The following ANGPTL8 variants were observed in gnomAD, a reference collection of about 807,000 sequenced individuals.
ANGPTL8 encodes the protein angiopoietin-like protein 8.
ANGPTL8 carries 24 observed loss-of-function variants against 22.6 expected under a neutral mutation model. The ratio of observed to expected loss-of-function variants is 1.06; its 90% CI spans 0.77 to 1.49. ANGPTL8 has a LOEUF of 1.49. Ranked by LOEUF, ANGPTL8 falls within the 40% of genes most tolerant of loss-of-function variation. The pLI is 0.00. For synonymous variants in ANGPTL8, 88 were observed against 113.4 expected (o/e 0.78, Z 1.42); for missense variants, 230 against 259.6 (o/e 0.89, Z 0.78).
intron 1 of ANGPTL8, 53 bp from the exon 2 acceptor site, chr19:11,240,082 G>A: frequency 1.9e-6 from 3 of 1,550,232 alleles, no homozygotes; most frequent in South Asian, 1.2e-5. Context: ...AAGTCCTTAG[G>A]TACACAAAGA....
At chr19:11,241,136 C>T (rs1270241768) in intron 2 of ANGPTL8, among the ~76,000 whole-genome samples, 2 of 151,838 alleles carry the variant, frequency 1.3e-5, no homozygotes, top group Non-Finnish European at 2.9e-5. Context: ...GTCCCAGCTA[C>T]TCAGGAGGCT....
chr19:11,240,700 C>T (rs1004934989), intron 2 of ANGPTL8, among the ~76,000 whole-genome samples: 2 of 151,788 alleles, frequency 1.3e-5, no homozygotes, highest in African/African-American at 4.8e-5. Flanking sequence ...CTGCCTCAGC[C>T]TCCTGAGTAG....
In ANGPTL8 at chr19:11,240,246, C is replaced by A. The variant is rs866484335; in HGVS notation, c.409C>A (p.Leu137Met). 1 of 1,582,550 alleles carries A rather than the reference C, an allele frequency of 6.3e-7. No individual in the cohort carries two copies. The highest frequency in any genetic ancestry group is 1.8e-5 in the Admixed American group (1 of 55,432). ...CAGCGTGCAGCGGCTAGAAGTCCAGCTGAGGAGCGCCTGGCTGGGCCCTGC... is the reference window on the plus strand; with the variant it reads ...CAGCGTGCAGCGGCTAGAAGTCCAGATGAGGAGCGCCTGGCTGGGCCCTGC... ...RDSVQRLEVQ[L>M]RSAWLGPAYR... Residue 137 changes from leucine to methionine, a missense_variant, in exon 2 of 4, where the codon CTG becomes ATG. Coordinates refer to ENST00000252453, the MANE Select transcript of ANGPTL8 (RefSeq NM_018687.7).
intron 2 of ANGPTL8, 90 bp downstream of exon 2, chr19:11,240,386 T>G: frequency 7.5e-7 from 1 of 1,336,902 alleles, no homozygotes; most frequent in Non-Finnish European, 1.0e-6. Context: ...ACCTCCCAGA[T>G]CAGCCTCCCA....
chr19:11,240,583 T>C (rs1400493389), intron 2 of ANGPTL8, among the ~76,000 whole-genome samples: 1 of 122,946 alleles, frequency 8.1e-6, no homozygotes, highest in Non-Finnish European at 1.7e-5. Flanking sequence ...CAATAAATTC[T>C]TTTTTTTTTT....
At position 11,241,915 on chromosome 19, in the gene ANGPTL8, C is replaced by T; in HGVS notation, c.*228C>T. On this transcript the variant is annotated 3_prime_UTR_variant, in exon 4 of 4. Coordinates refer to ENST00000252453, the MANE Select transcript of ANGPTL8 (RefSeq NM_018687.7). ...ATGTACCCTTTCATGCCTACACACC[C>T]CTCATTAAAGCAGAGTCGTGGCATC... The T allele has an allele frequency of 7.6e-7, 1 of 1,318,516 alleles. No individual in the cohort carries two copies. Among genetic ancestry groups the T allele is most frequent in the Non-Finnish European group, 1.0e-6 (1 of 961,526 alleles). The allele number at this position is 1,318,516 out of a possible 1,614,324, so 81.7% of individuals were successfully genotyped here. A position where few individuals can be genotyped will look rare whatever the true frequency, so the allele number is the denominator to read the frequency against.
At position 11,240,205 on chromosome 19, in the gene ANGPTL8, A is replaced by G. The variant is rs1177666645; in HGVS notation, c.368A>G (p.Gln123Arg). The change falls in exon 2 of 4, where the codon CAG becomes CGG. Residue 123 changes from glutamine (Q) to arginine (R), a missense_variant. Transcript: ENST00000252453. ...GTGCTGGGGGAGGTGGCCCAGGCAC[A>G]GAAGGTGCTACGGGACAGCGTGCAG... ...AEVLGEVAQA[Q>R]KVLRDSVQRL... 2 of 1,561,194 alleles carry G rather than the reference A, an allele frequency of 1.3e-6. No homozygotes were observed. Among genetic ancestry groups the G allele is most frequent in the African/African-American group, 2.7e-5 (2 of 73,554 alleles).
At chr19:11,240,346 G>GA (rs1397367876) in intron 2 of ANGPTL8, 50 bp downstream of exon 2, 1 of 1,482,520 alleles carries the variant, frequency 6.7e-7, no homozygotes, top group Non-Finnish European at 9.0e-7. Context: ...TTTCCGGCCA[G>GA]AACTCGCTTC....
Position 11,241,665 on chromosome 19 carries a change from A to G in ANGPTL8, c.575A>G (p.His192Arg). ...HRLRQIQERL[H>R]TAALPA ...AGCCACATCTCCCTCCCCAGACTCC[A>G]CACAGCGGCGCTCCCAGCCTGAATC... Residue 192 changes from histidine (H) to arginine (R), a missense_variant, in exon 4 of 4, where the codon CAC (histidine) becomes CGC (arginine). Physicochemically the swap from His to Arg is conservative, Grantham distance 29. Coordinates refer to ENST00000252453, the MANE Select transcript of ANGPTL8 (RefSeq NM_018687.7). The G allele has an allele frequency of 3.8e-6, 6 of 1,581,524 alleles. No individual in the cohort carries two copies. Among genetic ancestry groups the G allele is most frequent in the Non-Finnish European group, 5.2e-6 (6 of 1,164,686 alleles).
At position 11,241,492 on chromosome 19, in the gene ANGPTL8, C is replaced by T. The variant is rs896572226; in HGVS notation, c.507C>T (p.His169=). The change falls in exon 3 of 4, where the codon CAC becomes CAT. Residue 169 remains histidine, a synonymous_variant. Transcript: ENST00000252453. ...QSHILWALTG[H]VQRQRREMVA... is the part of the protein sequence containing the mutation. ...ACATCCTATGGGCCCTCACAGGCCA[C>T]GTGCAGCGGCAGAGGCGGGAGATGG... 2.6e-5 allele frequency: 40 copies of T among 1,553,142 alleles called. No homozygotes were observed. Among genetic ancestry groups the T allele is most frequent in the Admixed American group, 3.9e-5 (2 of 51,074 alleles).
chr19:11,239,920 CT>C lies in ANGPTL8; in HGVS notation c.284del (p.Leu95ArgfsTer39). ...TGCAGCCCAGGAACTTCGGGCAAGCCTGTTGGAGACTCAGGTGGGCACCGTA... is the reference window on the plus strand; with the variant it reads ...TGCAGCCCAGGAACTTCGGGCAAGCCGTTGGAGACTCAGGTGGGCACCGTA... ...RDAAQELRASLLETQMEEDIL... is the reference protein window; with the variant it reads ...RDAAQELRASXLETQMEEDIL... On this transcript the variant is annotated frameshift_variant, in exon 1 of 4. Coordinates refer to ENST00000252453, the MANE Select transcript of ANGPTL8 (RefSeq NM_018687.7). LOFTEE classifies it high-confidence loss of function. 1.9e-6 allele frequency: 3 copies of C among 1,584,884 alleles called. No individual in the cohort carries two copies. Among genetic ancestry groups the C allele is most frequent in the Non-Finnish European group, 2.6e-6 (3 of 1,165,796 alleles).
In ANGPTL8 at chr19:11,239,828, G is replaced by A. The variant is rs1190456183; in HGVS notation, c.191G>A (p.Arg64Lys). The A allele has an allele frequency of 1.2e-6, 2 of 1,603,280 alleles. No individual in the cohort carries two copies. The highest frequency in any genetic ancestry group is 3.5e-5 in the Admixed American group (2 of 57,678). ...ACGGAGGGACGGCTGACAAAGGCCA[G>A]GAACAGCCTGGGTCTCTATGGCCGC... Reference protein sequence around the residue: ...RTTEGRLTKARNSLGLYGRTI... With the variant: ...RTTEGRLTKAKNSLGLYGRTI... Residue 64 changes from arginine (R) to lysine (K), a missense_variant, in exon 1 of 4, where the codon AGG becomes AAG. Coordinates refer to ENST00000252453, the MANE Select transcript of ANGPTL8 (RefSeq NM_018687.7).
intron 2 of ANGPTL8, among the ~76,000 whole-genome samples, 180 bp from the exon 3 acceptor site, chr19:11,241,265 T>C (rs1226612442): frequency 1.3e-5 from 2 of 151,688 alleles, no homozygotes; most frequent in African/African-American, 2.4e-5. Context: ...CCATAGGATG[T>C]TCATCACCTC....
intron 1 of ANGPTL8, 62 bp downstream of exon 1, chr19:11,239,996 G>C: frequency 6.4e-7 from 1 of 1,550,778 alleles, no homozygotes; most frequent in Non-Finnish European, 8.7e-7. Context: ...TTCGTGTCTA[G>C]GGTAACCAAC....
At position 11,240,189 on chromosome 19, in the gene ANGPTL8, G is replaced by C; in HGVS notation, c.352G>C (p.Glu118Gln). The C allele has an allele frequency of 6.4e-7, 1 of 1,555,198 alleles. No individual in the cohort carries two copies. The highest frequency in any genetic ancestry group is 8.7e-7 in the Non-Finnish European group (1 of 1,149,090). Residue 118 changes from glutamate (E) to glutamine (Q), a missense_variant, in exon 2 of 4, where the codon GAG becomes CAG. Transcript: ENST00000252453. Reference sequence around the variant, plus strand: ...AGAGGCCACAGCTGAGGTGCTGGGGGAGGTGGCCCAGGCACAGAAGGTGCT... The same window carrying C: ...AGAGGCCACAGCTGAGGTGCTGGGGCAGGTGGCCCAGGCACAGAAGGTGCT... ...QAEATAEVLG[E>Q]VAQAQKVLRD...
chr19:11,241,858 G>A lies in ANGPTL8; in HGVS notation c.*171G>A. The A allele has an allele frequency of 1.5e-6, 2 of 1,305,672 alleles. No homozygotes were observed. Among genetic ancestry groups the A allele is most frequent in the East Asian group, 2.5e-5 (1 of 39,570 alleles). 80.9% of individuals were successfully genotyped at this position (1,305,672 alleles called of 1,614,324 possible). On this transcript the variant is annotated 3_prime_UTR_variant, in exon 4 of 4. Transcript: ENST00000252453. ...GCAGGCGGGGACAAAGGCAGAGGAT[G>A]TAGCCCCATTGGGGAGGGGTGGAGG...
rs768937257 is a variant in ANGPTL8 at position 11,239,937 on chromosome 19, G to A, written c.297+3G>A. 3.2e-6 allele frequency: 5 copies of A among 1,577,982 alleles called. No homozygotes were observed. The highest frequency in any genetic ancestry group is 4.3e-6 in the Non-Finnish European group (5 of 1,162,046). On this transcript the variant is annotated splice_donor_region_variant and intron_variant, in intron 1 of 3. Transcript: ENST00000252453. ...GGGCAAGCCTGTTGGAGACTCAGGT[G>A]GGCACCGTAGCTGCGACACTGTGGG...
intron 2 of ANGPTL8, among the ~76,000 whole-genome samples, chr19:11,241,226 C>CAG (rs952360225): frequency 6.8e-6 from 1 of 146,644 alleles, no homozygotes; most frequent in East Asian, 2.0e-4. Context: ...GCCTGGGTGA[C>CAG]AGAGAGAGAC....
Position 11,240,101 on chromosome 19 carries a change from A to G in ANGPTL8, c.298-34A>G, listed in dbSNP as rs1273959900. 5 of 1,551,014 alleles carry G rather than the reference A, an allele frequency of 3.2e-6. No homozygotes were observed. In the African/African-American group the frequency reaches 6.8e-5, roughly 21 times the overall value. The stretch of plus-strand genomic sequence containing the variant: ...CCTTAGGTACACAAAGATGAGTTGG[A>G]CATCCTACTAGTGACCCACTGTTTA... On this transcript the variant is annotated intron_variant, in intron 1 of 3. Transcript: ENST00000252453.
Sources: gnomAD v4.1 joint callset for allele counts (sites outside exome capture counted in the v4.1 genomes callset) on GRCh38, gnomAD v4.1.1 for gene constraint, MANE v1.5 for transcripts, NCBI Gene and HGNC (gene_info 2026-07-23, HGNC 2026-07-21) for gene names.